Variants in ARID2 observed in about 807,000 individuals in gnomAD.
ARID2 encodes the protein AT-rich interactive domain-containing protein 2.
ARID2 carries 32 observed loss-of-function variants against 184.6 expected under a neutral mutation model. The ratio of observed to expected loss-of-function variants is 0.17; its 90% CI spans 0.13 to 0.23. The LOEUF is 0.23. Among genes scored for constraint, ARID2 ranks in the 10% least tolerant of loss-of-function variants. ARID2 has a pLI of 1.00. For synonymous variants in ARID2, 836 were observed against 772.6 expected (o/e 1.08, Z -1.36); for missense variants, 1,696 against 2,197.6 (o/e 0.77, Z 4.56).
At chr12:45,898,948 T>C (rs1297012568) in intron 20 of ARID2, among the ~76,000 whole-genome samples, 1 of 151,844 alleles carries the variant, frequency 6.6e-6, no homozygotes, top group Admixed American at 6.6e-5. Context: ...GTGTGAATTA[T>C]ACCTCAATGA....
intron 11 of ARID2, chr12:45,841,690 A>G (rs1943344447): frequency 6.6e-6 from 1 of 152,224 alleles, no homozygotes; most frequent in Non-Finnish European, 1.5e-5. Context: ...TTTTTAAAAG[A>G]AAATAATTAC....
rs927635399 is a variant in ARID2 at position 45,880,519 on chromosome 12, TTTTG to T, written c.4923-11249_4923-11246del. Among the ~76,000 whole-genome samples, 25 of 152,330 alleles carry T rather than the reference TTTTG, an allele frequency of 1.6e-4. No homozygotes were observed. The East Asian group carries it at 1.7e-3, about 11-fold the overall frequency. On this transcript the variant is annotated intron_variant, in intron 16 of 20. Coordinates refer to ENST00000334344, the MANE Select transcript of ARID2 (RefSeq NM_152641.4). ...CCTACTGTACAAGCCAGAATAATTT[TTTTG>T]TTTGTTTGTTTATTTGTTGGGTGAC...
At chr12:45,864,646 T>TC (rs1320180657) in intron 16 of ARID2, among the ~76,000 whole-genome samples, 1 of 152,212 alleles carries the variant, frequency 6.6e-6, no homozygotes, top group Non-Finnish European at 1.5e-5. Flanking sequence ...AAATATTTGA[T>TC]CAAGTTCTGG....
chr12:45,903,121 T>C (rs919998142), intron 20 of ARID2, among the ~76,000 whole-genome samples: 3 of 152,200 alleles, frequency 2.0e-5, no homozygotes. Flanking sequence ...TTGCCTGATT[T>C]TGAACTTTCT....
At chr12:45,840,810 A>G (rs1006787251) in intron 11 of ARID2, 2 of 152,220 alleles carry the variant, frequency 1.3e-5, no homozygotes, top group African/African-American at 4.8e-5. Flanking sequence ...TGTAATAAGT[A>G]TCACATATTT....
At chr12:45,744,867 C>T (rs1382723300) in intron 3 of ARID2, among the ~76,000 whole-genome samples, 1 of 152,152 alleles carries the variant, frequency 6.6e-6, no homozygotes, top group East Asian at 1.9e-4. Context: ...ATTTGATCCT[C>T]ACAATTAATC....
intron 20 of ARID2, among the ~76,000 whole-genome samples, chr12:45,903,641 C>T (rs1944485610): frequency 6.6e-6 from 1 of 152,078 alleles, no homozygotes; most frequent in African/African-American, 2.4e-5. Flanking sequence ...ATTTCTTTTC[C>T]TTTGCTTTAC....
chr12:45,762,991 A>T (rs1361956364), intron 3 of ARID2, among the ~76,000 whole-genome samples: 2 of 152,226 alleles, frequency 1.3e-5, no homozygotes, highest in Non-Finnish European at 2.9e-5. Context: ...GCTACTATTT[A>T]TTGGGTGCTT....
intron 6 of ARID2, among the ~76,000 whole-genome samples, chr12:45,822,322 C>T (rs551031960): frequency 6.6e-6 from 1 of 152,170 alleles, no homozygotes; most frequent in South Asian, 2.1e-4. Flanking sequence ...AGCAACAAAG[C>T]AAGACCCCAT....
chr12:45,804,477 T>C (rs528311372), intron 3 of ARID2, among the ~76,000 whole-genome samples: 1 of 151,852 alleles, frequency 6.6e-6, no homozygotes, highest in Admixed American at 6.6e-5. Flanking sequence ...TTCTAGTGTG[T>C]GCGTGTGTGT....
rs948630620 is a variant in ARID2, at chr12:45,907,769, A to G, written c.*2691A>G. On this transcript the variant is annotated 3_prime_UTR_variant, in exon 21 of 21. Coordinates refer to ENST00000334344, the MANE Select transcript of ARID2 (RefSeq NM_152641.4). Reference sequence around the variant, plus strand: ...ATGTTATCTTTGAGAAATCTATGTAAATAATATAGTCTACAACATAGAGAC... The same window carrying G: ...ATGTTATCTTTGAGAAATCTATGTAGATAATATAGTCTACAACATAGAGAC... 4.3e-6 allele frequency: 1 copy of G among 232,758 alleles called. No homozygotes were observed. Among genetic ancestry groups the G allele is most frequent in the Non-Finnish European group, 8.5e-6 (1 of 117,600 alleles). 14.4% of individuals were successfully genotyped at this position (232,758 alleles called of 1,614,324 possible). A position where few individuals can be genotyped will look rare whatever the true frequency, so the allele number is the denominator to read the frequency against.
chr12:45,904,885 C>T, intron 20 of ARID2, 49 bp from the exon 21 acceptor site: 2 of 1,595,940 alleles, frequency 1.3e-6, no homozygotes, highest in Non-Finnish European at 1.7e-6. Context: ...GATAAAGAGT[C>T]ATCGCTGTGA....
chr12:45,837,338 T>A lies in ARID2; in HGVS notation c.1041T>A (p.Val347=), dbSNP rs749048327. The part of the protein sequence containing the change: ...NIAAELLLDP[V]DFKTTHLMFH... ...TTTTCCAGCTTTTACTGGACCCTGT[T>A]GATTTCAAAACTACTCATCTGATGT... The change falls in exon 9 of 21, where the codon GTT becomes GTA. Residue 347 remains valine, a synonymous_variant. Transcript: ENST00000334344. 6.2e-7 allele frequency: 1 copy of A among 1,609,926 alleles called. No homozygotes were observed. Among genetic ancestry groups the A allele is most frequent in the Non-Finnish European group, 8.5e-7 (1 of 1,178,714 alleles).
rs761499127 is a variant in ARID2 at position 45,892,004 on chromosome 12, C to T, written c.5062-7C>T. ...TGCCATTCTCTTGCTTCCTCTTCCT[C>T]AAAAAGGATAAGCACTGTTCAAAGG... is the stretch of plus-strand genomic sequence containing the variant. On this transcript the variant is annotated splice_polypyrimidine_tract_variant and splice_region_variant and intron_variant, in intron 17 of 20. Transcript: ENST00000334344. 6.2e-7 allele frequency: 1 copy of T among 1,613,748 alleles called. No homozygotes were observed. Among genetic ancestry groups the T allele is most frequent in the Admixed American group, 1.7e-5 (1 of 59,932 alleles).
At chr12:45,834,031 T>C (rs1943169242) in intron 6 of ARID2, among the ~76,000 whole-genome samples, 1 of 152,224 alleles carries the variant, frequency 6.6e-6, no homozygotes, top group Non-Finnish European at 1.5e-5. Context: ...CTCTTCCTTA[T>C]GCTTTAGTCT....
chr12:45,832,512 C>T (rs971552758), intron 6 of ARID2, among the ~76,000 whole-genome samples: 3 of 151,848 alleles, frequency 2.0e-5, no homozygotes, highest in East Asian at 1.9e-4. Flanking sequence ...GGTCTTGCTT[C>T]GCTACCCAGG....
At chr12:45,741,265 C>A (rs777746361) in intron 3 of ARID2, among the ~76,000 whole-genome samples, 10 of 152,160 alleles carry the variant, frequency 6.6e-5, no homozygotes, top group Non-Finnish European at 1.2e-4. Flanking sequence ...TGACACAAAT[C>A]ATGGCTCATT....
chr12:45,891,400 CAT>C (rs138747131), intron 16 of ARID2, among the ~76,000 whole-genome samples: 162 of 152,194 alleles, frequency 1.1e-3, no homozygotes, highest in African/African-American at 3.4e-3. Context: ...CATGGACAGA[CAT>C]ATAAATGTGA....
Position 45,785,369 on chromosome 12 carries a change from C to T in ARID2, c.285-26049C>T, listed in dbSNP as rs377019576. ...AACTAATATCATCATCATCATCTTT[C>T]ATTATATTAAATGAGAGGATTCGGT... On this transcript the variant is annotated intron_variant, in intron 3 of 20. Transcript: ENST00000334344. Among the ~76,000 whole-genome samples, 18 of 152,228 alleles carry T rather than the reference C, an allele frequency of 1.2e-4. No homozygotes were observed. In the East Asian group the frequency reaches 2.7e-3, roughly 23 times the overall value.
Sources: allele counts gnomAD v4.1 joint callset (sites outside exome capture counted in the v4.1 genomes callset), GRCh38; gene constraint gnomAD v4.1.1; transcripts MANE v1.5; gene names NCBI Gene and HGNC (gene_info 2026-07-23, HGNC 2026-07-21).